The following SCNN1B variants were observed in gnomAD, a reference collection of about 807,000 sequenced individuals.
The protein encoded by SCNN1B is epithelial sodium channel subunit beta.
Under a neutral mutation model 65.3 loss-of-function variants are expected in SCNN1B, and 46 were observed. That is an observed-to-expected ratio of 0.70 (90% CI 0.56 to 0.90). SCNN1B has a LOEUF of 0.90. Ranked by LOEUF, SCNN1B falls within the 40% of genes least tolerant of loss-of-function variation. The pLI is 0.00. For synonymous variants in SCNN1B, 349 were observed against 330.6 expected (o/e 1.06, Z -0.60); for missense variants, 751 against 830.5 (o/e 0.90, Z 1.18).
chr16:23,344,283 G>A (rs375683561), intron 1 of SCNN1B, among the ~76,000 whole-genome samples: 114 of 152,328 alleles, frequency 7.5e-4, no homozygotes, highest in African/African-American at 2.1e-3. Context: ...TGTTAAACCC[G>A]GAGATTAGAA....
At chr16:23,332,110 C>G (rs902831408) in intron 1 of SCNN1B, among the ~76,000 whole-genome samples, 1 of 152,082 alleles carries the variant, frequency 6.6e-6, no homozygotes, top group East Asian at 1.9e-4. Context: ...CTCACTGCAG[C>G]CTCAACCTCC....
intron 1 of SCNN1B, among the ~76,000 whole-genome samples, chr16:23,313,695 A>G (rs1450436062): frequency 2.6e-5 from 4 of 151,834 alleles, no homozygotes; most frequent in East Asian, 1.9e-4. Flanking sequence ...CACTGCAACC[A>G]CTGCCTCTTG....
chr16:23,281,518 T>C (rs1443672325), intron 1 of SCNN1B, among the ~76,000 whole-genome samples: 2 of 152,192 alleles, frequency 1.3e-5, no homozygotes, highest in Non-Finnish European at 2.9e-5. Flanking sequence ...TGTGTGTCCA[T>C]GGAGGCACAG....
At chr16:23,372,788 G>A (rs1019455825) in intron 7 of SCNN1B, among the ~76,000 whole-genome samples, 21 of 149,214 alleles carry the variant, frequency 1.4e-4, no homozygotes, top group African/African-American at 3.4e-4. Context: ...CACCGCACCC[G>A]GACTTTATTA....
chr16:23,375,689 C>T, intron 7 of SCNN1B, 49 bp from the exon 8 acceptor site: 1 of 1,319,814 alleles, frequency 7.6e-7, no homozygotes, highest in Non-Finnish European at 1.1e-6. Context: ...ATGGGGACAT[C>T]ACTGACCATG....
At chr16:23,302,682 AG>A (rs1961110413) in intron 1 of SCNN1B, among the ~76,000 whole-genome samples, 2 of 152,178 alleles carry the variant, frequency 1.3e-5, no homozygotes, top group African/African-American at 4.8e-5. Context: ...AGACGGGGCC[AG>A]GGTCCCCGGC....
intron 2 of SCNN1B, among the ~76,000 whole-genome samples, chr16:23,289,068 G>T (rs934958675): frequency 1.1e-4 from 16 of 152,186 alleles, no homozygotes; most frequent in Non-Finnish European, 2.1e-4. Flanking sequence ...TGCCATCTTC[G>T]ATGATTAGAA....
At chr16:23,343,487 G>GAAGGAAGGAAGGAAGGAAGGAAGGAA (rs1962099304) in intron 1 of SCNN1B, among the ~76,000 whole-genome samples, 5 of 90,792 alleles carry the variant, frequency 5.5e-5, no homozygotes, top group African/African-American at 1.4e-4. Flanking sequence ...AGGAAGGAAG[G>GAAGGAAGGAAGGAAGGAAGGAAGGAA]AAGGAAGGAA....
Position 23,353,087 on chromosome 16 carries a change from T to C in SCNN1B, c.585+13T>C. On this transcript the variant is annotated intron_variant, in intron 3 of 12. Coordinates refer to ENST00000343070, the MANE Select transcript of SCNN1B (RefSeq NM_000336.3). ...GGCCATGAGACTAGTAAGTGGTCCCTGGGCACATATCAAGCAATGGGCCCC... is the reference window on the plus strand; with the variant it reads ...GGCCATGAGACTAGTAAGTGGTCCCCGGGCACATATCAAGCAATGGGCCCC... The C allele has an allele frequency of 1.9e-6, 3 of 1,614,052 alleles. No homozygotes were observed. The highest frequency in any genetic ancestry group is 1.3e-5 in the African/African-American group (1 of 75,042).
At chr16:23,350,848 G>T (rs567378809) in intron 2 of SCNN1B, among the ~76,000 whole-genome samples, 1 of 152,074 alleles carries the variant, frequency 6.6e-6, no homozygotes. Flanking sequence ...AGGAGGTGGA[G>T]GTTGCAGTGA....
chr16:23,295,179 G>A (rs189125879), intron 2 of SCNN1B, among the ~76,000 whole-genome samples: 2 of 152,158 alleles, frequency 1.3e-5, no homozygotes, highest in Admixed American at 1.3e-4. Flanking sequence ...TGTATCTCTA[G>A]TGCCCAGAAC....
intron 2 of SCNN1B, among the ~76,000 whole-genome samples, chr16:23,285,736 G>A (rs1386144767): frequency 6.6e-6 from 1 of 152,224 alleles, no homozygotes; most frequent in Non-Finnish European, 1.5e-5. Flanking sequence ...CACTTTGGGA[G>A]GCCAAGGCAG....
intron 4 of SCNN1B, among the ~76,000 whole-genome samples, chr16:23,357,993 G>A (rs779679873): frequency 3.3e-5 from 5 of 152,180 alleles, no homozygotes; most frequent in Non-Finnish European, 5.9e-5. Flanking sequence ...GTGAGAACAC[G>A]CCCAGGAGCG....
chr16:23,296,515 T>C (rs1243285510), intron 2 of SCNN1B, among the ~76,000 whole-genome samples: 2 of 152,166 alleles, frequency 1.3e-5, no homozygotes, highest in Non-Finnish European at 2.9e-5. Context: ...GTTTTGTTCT[T>C]TGGGCTTTGT....
intron 7 of SCNN1B, among the ~76,000 whole-genome samples, chr16:23,372,580 C>T (rs576487646): frequency 4.9e-4 from 74 of 151,362 alleles, no homozygotes; most frequent in Admixed American, 2.6e-3. Context: ...CTGCAACCTC[C>T]GCCTCCCAGG....
intron 1 of SCNN1B, among the ~76,000 whole-genome samples, chr16:23,331,951 G>A (rs560020992): frequency 6.6e-6 from 1 of 152,102 alleles, no homozygotes; most frequent in South Asian, 2.1e-4. Flanking sequence ...GTGGGGGTGG[G>A]TTTTTGCTTG....
chr16:23,321,826 C>G (rs1961594961), intron 1 of SCNN1B, among the ~76,000 whole-genome samples: 1 of 152,094 alleles, frequency 6.6e-6, no homozygotes, highest in South Asian at 2.1e-4. Context: ...AGTTTGAGAT[C>G]ACCCTAGACA....
intron 1 of SCNN1B, among the ~76,000 whole-genome samples, chr16:23,309,976 T>A (rs1961306115): frequency 6.6e-6 from 1 of 152,114 alleles, no homozygotes; most frequent in African/African-American, 2.4e-5. Flanking sequence ...ACAAGAGGAC[T>A]ATTAAGGAGG....
At chr16:23,332,494 G>A (rs1007844865) in intron 1 of SCNN1B, among the ~76,000 whole-genome samples, 4 of 151,952 alleles carry the variant, frequency 2.6e-5, no homozygotes, top group African/African-American at 9.7e-5. Context: ...ACAGCACCCG[G>A]CCTCGTTTTT....
Sources: allele counts gnomAD v4.1 joint callset (sites outside exome capture counted in the v4.1 genomes callset), GRCh38; gene constraint gnomAD v4.1.1; transcripts MANE v1.5; gene names NCBI Gene and HGNC (gene_info 2026-07-23, HGNC 2026-07-21).